The following BEND4 variants were observed in gnomAD, a reference collection of about 807,000 sequenced individuals.
BEND4 encodes BEN domain containing 4.
In BEND4, 27 loss-of-function variants were observed where a neutral mutation model predicts 54.7. The observed-to-expected ratio is 0.49, with a 90% confidence interval of 0.36 to 0.68. The LOEUF (loss-of-function observed/expected upper bound fraction) is 0.68, where lower values mean the gene tolerates loss of function less well. Ranked by LOEUF, BEND4 falls within the 30% of genes least tolerant of loss-of-function variation. BEND4 has a pLI of 0.00. For missense variants in BEND4, 702 were observed against 697.2 expected (o/e 1.01, Z -0.08); for synonymous variants, 327 against 299.5 (o/e 1.09, Z -0.95).
intron 3 of BEND4, among the ~76,000 whole-genome samples, chr4:42,135,799 A>C (rs1720677768): frequency 1.3e-5 from 2 of 151,936 alleles, no homozygotes; most frequent in South Asian, 2.1e-4. Flanking sequence ...ACAAACATAC[A>C]AAAAAAACAT....
chr4:42,141,860 AT>A (rs1720898293), intron 3 of BEND4, among the ~76,000 whole-genome samples: 1 of 152,206 alleles, frequency 6.6e-6, no homozygotes, highest in Non-Finnish European at 1.5e-5. Flanking sequence ...ATAGTAGTAC[AT>A]GTATGCAGTT....
chr4:42,125,774 T>A (rs1171555136), intron 3 of BEND4, 100 bp from the exon 4 acceptor site: 19 of 722,586 alleles, frequency 2.6e-5, no homozygotes, highest in Middle Eastern at 7.9e-4. Context: ...GAGGTCTTAC[T>A]GGCACCCATA....
intron 5 of BEND4, 116 bp from the exon 6 acceptor site, chr4:42,117,851 TG>T: frequency 1.5e-6 from 1 of 688,166 alleles, no homozygotes. Flanking sequence ...AAAAGCTTTA[TG>T]GGAAATCCAA....
In BEND4 at chr4:42,152,350, C is replaced by T; in HGVS notation, c.-207G>A. 1 of 344,380 alleles carries T rather than the reference C, an allele frequency of 2.9e-6. No homozygotes were observed. Among genetic ancestry groups the T allele is most frequent in the Non-Finnish European group, 5.1e-6 (1 of 194,370 alleles). 21.3% of individuals were successfully genotyped at this position (344,380 alleles called of 1,614,324 possible). A position where few individuals can be genotyped will look rare whatever the true frequency, so the allele number is the denominator to read the frequency against. Reference sequence around the variant, plus strand: ...GCGCGGGGGGCTGCCGCCCGAGCTCCTGATTGACAGGCTGCCTCGCCAATG... The same window carrying T: ...GCGCGGGGGGCTGCCGCCCGAGCTCTTGATTGACAGGCTGCCTCGCCAATG... On this transcript the variant is annotated 5_prime_UTR_variant, in exon 2 of 6. Transcript: ENST00000502486.
At chr4:42,128,212 C>T (rs2153145567) in intron 3 of BEND4, among the ~76,000 whole-genome samples, 1 of 152,306 alleles carries the variant, frequency 6.6e-6, no homozygotes, top group South Asian at 2.1e-4. Context: ...TAATAAGAGT[C>T]ATTCACGACA....
At chr4:42,130,501 T>C (rs894048175) in intron 3 of BEND4, among the ~76,000 whole-genome samples, 2 of 112,250 alleles carry the variant, frequency 1.8e-5, no homozygotes, top group Admixed American at 8.6e-5. Context: ...AAAAAAAAAA[T>C]ACCACAATGA....
intron 3 of BEND4, among the ~76,000 whole-genome samples, chr4:42,134,967 A>AC: frequency 6.6e-6 from 1 of 152,302 alleles, no homozygotes; most frequent in Middle Eastern, 3.4e-3. Flanking sequence ...GGAATTGAAG[A>AC]ACCTTGTGTG....
intron 3 of BEND4, 86 bp from the exon 4 acceptor site, chr4:42,125,760 A>G: frequency 1.2e-6 from 1 of 843,954 alleles, no homozygotes; most frequent in Non-Finnish European, 1.8e-6. Context: ...TTTTTTTTTA[A>G]ACAGAGGTCT....
chr4:42,128,853 G>A (rs1577753651), intron 3 of BEND4, among the ~76,000 whole-genome samples: 1 of 146,026 alleles, frequency 6.8e-6, no homozygotes, highest in Non-Finnish European at 1.5e-5. Flanking sequence ...GGAAAACGGC[G>A]TGAACTCGGG....
chr4:42,148,510 C>T (rs1721153444), intron 2 of BEND4, among the ~76,000 whole-genome samples: 1 of 152,196 alleles, frequency 6.6e-6, no homozygotes, highest in Admixed American at 6.5e-5. Context: ...CTGCCAAGCA[C>T]ATACTATAAC....
Position 42,151,709 on chromosome 4 carries a change from G to GGCC in BEND4, c.432_434dup (p.Ala146dup). 1 of 1,502,794 alleles carries GGCC rather than the reference G, an allele frequency of 6.7e-7. No individual in the cohort carries two copies. The highest frequency in any genetic ancestry group is 8.8e-7 in the Non-Finnish European group (1 of 1,130,468). 93.1% of individuals were successfully genotyped at this position (1,502,794 alleles called of 1,614,324 possible). The stretch of plus-strand genomic sequence containing the variant: ...CGCTACCCGTGCCGCCGGTGCCGGC[G>GGCC]GCCGCCGCCGCGCCTGGGCCATACC... On this transcript the variant is annotated inframe_insertion, in exon 2 of 6. Transcript: ENST00000502486.
chr4:42,133,793 A>G (rs1038197332), intron 3 of BEND4, among the ~76,000 whole-genome samples: 1 of 152,196 alleles, frequency 6.6e-6, no homozygotes, highest in Non-Finnish European at 1.5e-5. Flanking sequence ...GGTGGAGCTT[A>G]CAGTGAGCCG....
Position 42,152,349 on chromosome 4 carries a change from C to T in BEND4, c.-206G>A, listed in dbSNP as rs1325106864. The T allele has an allele frequency of 1.2e-5, 4 of 346,132 alleles. No homozygotes were observed. The highest frequency in any genetic ancestry group is 4.9e-5 in the Admixed American group (1 of 20,492). The allele number at this position is 346,132 out of a possible 1,614,324, so 21.4% of individuals were successfully genotyped here. A position where few individuals can be genotyped will look rare whatever the true frequency, so the allele number is the denominator to read the frequency against. On this transcript the variant is annotated 5_prime_UTR_variant, in exon 2 of 6. Coordinates refer to ENST00000502486, the MANE Select transcript of BEND4 (RefSeq NM_207406.4). ...CGCGCGGGGGGCTGCCGCCCGAGCTCCTGATTGACAGGCTGCCTCGCCAAT... is the reference window on the plus strand; with the variant it reads ...CGCGCGGGGGGCTGCCGCCCGAGCTTCTGATTGACAGGCTGCCTCGCCAAT...
chr4:42,131,164 G>A (rs750427215), intron 3 of BEND4, among the ~76,000 whole-genome samples: 2 of 152,068 alleles, frequency 1.3e-5, no homozygotes, highest in African/African-American at 2.4e-5. Context: ...AAACCACAAC[G>A]GCACATGTTT....
At chr4:42,140,762 G>A (rs1350503498) in intron 3 of BEND4, among the ~76,000 whole-genome samples, 1 of 152,090 alleles carries the variant, frequency 6.6e-6, no homozygotes, top group African/African-American at 2.4e-5. Flanking sequence ...ATAATACTTG[G>A]GACATTTGTG....
At position 42,115,821 on chromosome 4, in the gene BEND4, TA is replaced by T. The variant is rs1719798179; in HGVS notation, c.*1696del. ...CAAATTTTAGCTAATTTGCCCCAAA[TA>T]GAATTGAATATTGGTTCTCCCTATT... is the stretch of plus-strand genomic sequence containing the variant. On this transcript the variant is annotated 3_prime_UTR_variant, in exon 6 of 6. Coordinates refer to ENST00000502486, the MANE Select transcript of BEND4 (RefSeq NM_207406.4). The T allele has an allele frequency of 6.6e-6, 1 of 151,222 alleles. No individual in the cohort carries two copies. The highest frequency in any genetic ancestry group is 2.5e-5 in the African/African-American group (1 of 40,576). The allele number at this position is 151,222 out of a possible 1,614,324, so 9.4% of individuals were successfully genotyped here.
intron 3 of BEND4, among the ~76,000 whole-genome samples, chr4:42,142,045 A>C (rs893067260): frequency 6.6e-6 from 1 of 151,642 alleles, no homozygotes; most frequent in Non-Finnish European, 1.5e-5. Flanking sequence ...CTGGGACTAC[A>C]GGCACCTGCC....
In BEND4 at chr4:42,113,722, G is replaced by C. The variant is rs1470164504; in HGVS notation, c.*3796C>G. On this transcript the variant is annotated 3_prime_UTR_variant, in exon 6 of 6. Transcript: ENST00000502486. ...ATTTATCTCTCCTTATAATCCTGTA[G>C]GAATCTCTTATGTCAATGTGTCTGT... 3 of 152,176 alleles carry C rather than the reference G, an allele frequency of 2.0e-5. No homozygotes were observed. Among genetic ancestry groups the C allele is most frequent in the Admixed American group, 2.0e-4 (3 of 15,286 alleles). The allele number at this position is 152,176 out of a possible 1,614,324, so 9.4% of individuals were successfully genotyped here.
chr4:42,148,864 C>G (rs904587453), intron 2 of BEND4, among the ~76,000 whole-genome samples: 2 of 152,206 alleles, frequency 1.3e-5, no homozygotes, highest in Non-Finnish European at 2.9e-5. Context: ...CTAAGCCTCC[C>G]ACAGAGGAAA....
Sources: allele counts gnomAD v4.1 joint callset (sites outside exome capture counted in the v4.1 genomes callset), GRCh38; gene constraint gnomAD v4.1.1; transcripts MANE v1.5; gene names NCBI Gene and HGNC (gene_info 2026-07-23, HGNC 2026-07-21).